MAGI1: variants seen among roughly 807,000 people sequenced by gnomAD.
MAGI1 encodes membrane-associated guanylate kinase, WW and PDZ domain-containing protein 1.
In MAGI1, 58 loss-of-function variants were observed where a neutral mutation model predicts 139.9. The observed-to-expected ratio is 0.41, with a 90% CI of 0.34 to 0.52. The LOEUF (loss-of-function observed/expected upper bound fraction) is 0.52, where lower values mean the gene tolerates loss of function less well. Among genes scored for constraint, MAGI1 ranks in the 20% least tolerant of loss-of-function variants. MAGI1 has a pLI of 0.12. For missense variants in MAGI1, 1,874 were observed against 1,901.6 expected, an observed-to-expected ratio of 0.99 and a Z score of 0.27; for synonymous variants, 812 against 737.9, an observed-to-expected ratio of 1.10 and a Z score of -1.63.
chr3:65,683,286 A>G (rs149444333), intron 1 of MAGI1, among the ~76,000 whole-genome samples: 133 of 152,216 alleles, frequency 8.7e-4, no homozygotes, highest in African/African-American at 2.9e-3. Context: ...AATGTACCCA[A>G]TGGATTTTGG....
At chr3:65,413,424 G>A (rs1313104266) in intron 12 of MAGI1, among the ~76,000 whole-genome samples, 3 of 152,166 alleles carry the variant, frequency 2.0e-5, no homozygotes, top group African/African-American at 7.2e-5. Flanking sequence ...TATTCAAAGT[G>A]TCTGCAAGTC....
chr3:65,498,343 G>A (rs2076952373), intron 2 of MAGI1, among the ~76,000 whole-genome samples: 1 of 150,686 alleles, frequency 6.6e-6, no homozygotes, highest in South Asian at 2.1e-4. Context: ...CTACAATACT[G>A]CCTTCTCTTT....
intron 2 of MAGI1, among the ~76,000 whole-genome samples, chr3:65,498,170 G>C (rs969486802): frequency 6.6e-6 from 1 of 151,852 alleles, no homozygotes; most frequent in African/African-American, 2.4e-5. Context: ...ATCTGGGTTG[G>C]GTACAATTAT....
chr3:65,755,864 C>T (rs1379018459), intron 1 of MAGI1, among the ~76,000 whole-genome samples: 1 of 152,150 alleles, frequency 6.6e-6, no homozygotes, highest in African/African-American at 2.4e-5. Flanking sequence ...TGCAGGCAAC[C>T]TTATGCATTA....
intron 1 of MAGI1, among the ~76,000 whole-genome samples, chr3:65,998,998 T>C (rs183753630): frequency 9.8e-5 from 15 of 152,300 alleles, no homozygotes; most frequent in Admixed American, 2.0e-4. Flanking sequence ...CGCATTACAT[T>C]CTAGAAGTAC....
At chr3:65,429,466 A>G (rs1947320111) in intron 12 of MAGI1, 54 bp downstream of exon 12, 7 of 1,516,770 alleles carry the variant, frequency 4.6e-6, no homozygotes, top group Non-Finnish European at 6.2e-6. Context: ...GAGTAAGTTA[A>G]GCAATGAATT....
intron 1 of MAGI1, among the ~76,000 whole-genome samples, chr3:66,002,029 T>C (rs1244577643): frequency 6.6e-6 from 1 of 152,176 alleles, no homozygotes; most frequent in Non-Finnish European, 1.5e-5. Flanking sequence ...TCAGACCTTC[T>C]GAAGCCACTT....
chr3:65,825,942 C>T (rs185323618), intron 1 of MAGI1, among the ~76,000 whole-genome samples: 56 of 152,166 alleles, frequency 3.7e-4, no homozygotes, highest in African/African-American at 1.3e-3. Flanking sequence ...GAGCCAAGAT[C>T]GTGCCACGCA....
chr3:65,406,807 A>C (rs55709108), intron 12 of MAGI1, among the ~76,000 whole-genome samples: 11,159 of 141,064 alleles, frequency 0.079, 491 homozygotes, highest in Middle Eastern at 0.13. Flanking sequence ...CTCTCTCTCT[A>C]TATATATATA....
intron 1 of MAGI1, among the ~76,000 whole-genome samples, chr3:65,723,928 G>A (rs1402337394): frequency 6.6e-6 from 1 of 152,110 alleles, no homozygotes; most frequent in Non-Finnish European, 1.5e-5. Flanking sequence ...TTGGGGATTG[G>A]AAAAAGTAAA....
intron 1 of MAGI1, among the ~76,000 whole-genome samples, chr3:65,630,511 T>C (rs574109641): frequency 1.2e-4 from 18 of 152,252 alleles, no homozygotes; most frequent in African/African-American, 3.9e-4. Context: ...ATGTGATATC[T>C]ATACACCATG....
intron 5 of MAGI1, among the ~76,000 whole-genome samples, chr3:65,457,408 G>C (rs995358146): frequency 2.6e-5 from 4 of 152,000 alleles, no homozygotes; most frequent in African/African-American, 9.7e-5. Context: ...ATCATTTCTA[G>C]TTTTTGGCTA....
At chr3:65,568,104 C>A (rs2080758531) in intron 2 of MAGI1, among the ~76,000 whole-genome samples, 1 of 152,136 alleles carries the variant, frequency 6.6e-6, no homozygotes, top group African/African-American at 2.4e-5. Context: ...ACCAGAGGCA[C>A]TTAACGTGGA....
intron 12 of MAGI1, among the ~76,000 whole-genome samples, chr3:65,409,260 A>G (rs1575644108): frequency 1.3e-5 from 2 of 152,256 alleles, no homozygotes; most frequent in East Asian, 3.9e-4. Context: ...CAACCGTTTT[A>G]TAATTCACAG....
Position 65,911,358 on chromosome 3 carries a change from C to T in MAGI1, c.313+126638G>A, listed in dbSNP as rs138365986. Among the ~76,000 whole-genome samples, 48 of 152,028 alleles carry T rather than the reference C, an allele frequency of 3.2e-4. No homozygotes were observed. The East Asian group carries it at 4.1e-3, about 13-fold the overall frequency. On this transcript the variant is annotated intron_variant, in intron 1 of 22. Coordinates refer to ENST00000402939, the MANE Select transcript of MAGI1 (RefSeq NM_001033057.2). ...AAAGGGTTGGAGTTGGCTCATCCTC[C>T]GGGGGACGCTCTACAGAGATGTGGC... is the stretch of plus-strand genomic sequence containing the variant.
intron 1 of MAGI1, among the ~76,000 whole-genome samples, chr3:65,939,425 T>C (rs2063207656): frequency 1.3e-5 from 2 of 152,182 alleles, no homozygotes; most frequent in South Asian, 4.1e-4. Flanking sequence ...CCGCACAAAT[T>C]ACCAACAGCT....
At chr3:65,569,520 A>G (rs2080838935) in intron 2 of MAGI1, among the ~76,000 whole-genome samples, 1 of 151,932 alleles carries the variant, frequency 6.6e-6, no homozygotes, top group South Asian at 2.1e-4. Context: ...GTGGAAATCA[A>G]AACTGTAGGT....
rs61740330 is a variant in MAGI1, at chr3:65,391,268, T to G, written c.2290A>C (p.Thr764Pro). 1.7e-3 allele frequency: 2,774 copies of G among 1,614,166 alleles called. 16 individuals are homozygous for G. The Middle Eastern group carries it at 0.023, about 13-fold the overall frequency. The change falls in exon 14 of 23, where the codon ACA (threonine) becomes CCA (proline). Residue 764 changes from threonine (T) to proline (P), a missense_variant. Thr to Pro is a conservative substitution (Grantham distance 38). Around this residue, in one of 5 missense-constraint regions of MAGI1, gnomAD observed 482 missense variants for 509.6 expected, o/e 0.95. Coordinates refer to ENST00000402939, the MANE Select transcript of MAGI1 (RefSeq NM_001033057.2). Reference sequence around the variant, plus strand: ...GGTGGGAACTCGGGGAGCACCTGTGTGCTGTGGCTTGGGGATGCTGTGTGC... The same window carrying G: ...GGTGGGAACTCGGGGAGCACCTGTGGGCTGTGGCTTGGGGATGCTGTGTGC... Reference protein sequence around the residue: ...SLHTASPSHSTQVLPEFPPAE... With the variant: ...SLHTASPSHSPQVLPEFPPAE...
chr3:65,663,037 C>T (rs1275382453), intron 1 of MAGI1, among the ~76,000 whole-genome samples: 1 of 152,120 alleles, frequency 6.6e-6, no homozygotes, highest in Non-Finnish European at 1.5e-5. Flanking sequence ...AGGAGGTACA[C>T]CTACCCATGC....
Sources: gnomAD v4.1 joint callset for allele counts (sites outside exome capture counted in the v4.1 genomes callset) on GRCh38, gnomAD v4.1.1 for gene constraint, gnomAD v4.1.1 regional missense constraint, MANE v1.5 for transcripts, NCBI Gene and HGNC (gene_info 2026-07-23, HGNC 2026-07-21) for gene names.